The following CD9 variants were observed in gnomAD, a reference collection of about 807,000 sequenced individuals.
CD9 encodes CD9 antigen.
Under a neutral mutation model 31.4 loss-of-function variants are expected in CD9, and 10 were observed. The observed-to-expected ratio is 0.32, with a 90% CI of 0.20 to 0.54. The LOEUF is 0.54. Among genes scored for constraint, CD9 ranks in the 20% least tolerant of loss-of-function variants. The pLI is 0.94. For missense variants in CD9, 259 were observed against 300.1 expected (o/e 0.86, Z 1.01); for synonymous variants, 113 against 114.1 (o/e 0.99, Z 0.06).
intron 1 of CD9, among the ~76,000 whole-genome samples, chr12:6,212,506 G>A (rs887512104): frequency 6.6e-6 from 1 of 152,182 alleles, no homozygotes; most frequent in African/African-American, 2.4e-5. Flanking sequence ...GCAAGGTGGT[G>A]GCACCCCCAG....
At chr12:6,216,528 C>T (rs1380695092) in intron 1 of CD9, among the ~76,000 whole-genome samples, 1 of 152,208 alleles carries the variant, frequency 6.6e-6, no homozygotes, top group Non-Finnish European at 1.5e-5. Context: ...GTAATAACTC[C>T]TTTCAGCAGG....
chr12:6,220,058 C>A (rs758003645), intron 1 of CD9, among the ~76,000 whole-genome samples: 1 of 152,106 alleles, frequency 6.6e-6, no homozygotes, highest in Non-Finnish European at 1.5e-5. Context: ...GGGAGGCAAA[C>A]CCCAGATAGA....
chr12:6,218,161 G>A (rs944786793), intron 1 of CD9, among the ~76,000 whole-genome samples: 18 of 151,956 alleles, frequency 1.2e-4, no homozygotes, highest in African/African-American at 3.6e-4. Flanking sequence ...TAGAGAGGTC[G>A]AGGCTGCAGT....
At chr12:6,236,877 G>A (rs781764770) in intron 7 of CD9, 6 of 201,230 alleles carry the variant, frequency 3.0e-5, no homozygotes, top group Non-Finnish European at 5.9e-5. Context: ...CCCAAAGAGA[G>A]AATCGCCTCC....
chr12:6,221,160 GA>G (rs1424991745), intron 1 of CD9, among the ~76,000 whole-genome samples: 2 of 152,176 alleles, frequency 1.3e-5, no homozygotes, highest in African/African-American at 4.8e-5. Flanking sequence ...AAAACAATGG[GA>G]AAAAATGACC....
chr12:6,226,612 G>A (rs1360728296), intron 2 of CD9, among the ~76,000 whole-genome samples: 2 of 152,100 alleles, frequency 1.3e-5, no homozygotes, highest in African/African-American at 4.8e-5. Context: ...AGCTCCTTTG[G>A]TTGCGTAACA....
Position 6,236,280 on chromosome 12 carries a change from G to A in CD9, c.621+5G>A. ...ATCGGCATTGCCGTGGTCATGGTGA[G>A]TGGCAGGACGTCGTCCCAGGAGGGG... On this transcript the variant is annotated splice_donor_5th_base_variant and intron_variant, in intron 7 of 7. Transcript: ENST00000009180. The A allele has an allele frequency of 6.2e-7, 1 of 1,613,776 alleles. No homozygotes were observed. The highest frequency in any genetic ancestry group is 8.5e-7 in the Non-Finnish European group (1 of 1,179,656).
intron 1 of CD9, among the ~76,000 whole-genome samples, chr12:6,211,658 C>T (rs1369257653): frequency 6.6e-6 from 1 of 152,184 alleles, no homozygotes; most frequent in African/African-American, 2.4e-5. Context: ...GCGAGGCATA[C>T]ACAACGGAAA....
rs374764934 is a variant in CD9, at chr12:6,225,419, C to G, written c.67-7C>G. The G allele has an allele frequency of 6.3e-7, 1 of 1,595,218 alleles. No homozygotes were observed. Among genetic ancestry groups the G allele is most frequent in the South Asian group, 1.1e-5 (1 of 90,738 alleles). ...GAATTAATGCTGATGTCCTGTATGT[C>G]TTGCAGCTTGCCGGGATTGCTGTCC... is the stretch of plus-strand genomic sequence containing the variant. On this transcript the variant is annotated splice_region_variant and splice_polypyrimidine_tract_variant and intron_variant, in intron 1 of 7. Transcript: ENST00000009180.
At chr12:6,200,688 AAG>A (rs1946064982) in intron 1 of CD9, 123 bp downstream of exon 1, 2 of 608,470 alleles carry the variant, frequency 3.3e-6, no homozygotes, top group East Asian at 3.2e-5. Flanking sequence ...ACCGGGCGGG[AAG>A]AGAGAGCGCC....
At chr12:6,236,373 A>C (rs1438942760) in intron 7 of CD9, 98 bp downstream of exon 7, 4 of 1,068,254 alleles carry the variant, frequency 3.7e-6, no homozygotes, top group Non-Finnish European at 5.7e-6. Context: ...TGCATTTGTC[A>C]ACTCACTTTG....
At chr12:6,222,893 G>C (rs913081440) in intron 1 of CD9, among the ~76,000 whole-genome samples, 7 of 152,150 alleles carry the variant, frequency 4.6e-5, no homozygotes, top group African/African-American at 1.7e-4. Context: ...GATTGTTTTC[G>C]TTCTTTTCTG....
chr12:6,216,602 A>G (rs758706834), intron 1 of CD9, among the ~76,000 whole-genome samples: 5 of 152,198 alleles, frequency 3.3e-5, no homozygotes, highest in Non-Finnish European at 5.9e-5. Flanking sequence ...ATCTGAGCCA[A>G]CAGTCTCCCT....
chr12:6,216,964 G>A (rs1288903647), intron 1 of CD9, among the ~76,000 whole-genome samples: 1 of 152,100 alleles, frequency 6.6e-6, no homozygotes, highest in African/African-American at 2.4e-5. Flanking sequence ...TGTTTTACAT[G>A]CATCACTTTA....
intron 4 of CD9, among the ~76,000 whole-genome samples, chr12:6,234,757 TTAAATTCTCACAAA>T (rs1220326870): frequency 1.3e-5 from 2 of 152,240 alleles, no homozygotes; most frequent in East Asian, 3.8e-4. Flanking sequence ...AATATTTCAT[TTAAATTCTCACAAA>T]TAATCTATGA....
chr12:6,217,340 G>A (rs368280421), intron 1 of CD9, among the ~76,000 whole-genome samples: 3 of 151,996 alleles, frequency 2.0e-5, no homozygotes, highest in East Asian at 3.9e-4. Context: ...TGAGCAACAC[G>A]GTGAAACCCT....
chr12:6,217,051 A>G (rs1409780865), intron 1 of CD9, among the ~76,000 whole-genome samples: 1 of 152,210 alleles, frequency 6.6e-6, no homozygotes, highest in Non-Finnish European at 1.5e-5. Flanking sequence ...GAGGACTGTA[A>G]CGTTCAGAGA....
At chr12:6,208,534 A>T (rs1946156858) in intron 1 of CD9, among the ~76,000 whole-genome samples, 1 of 152,210 alleles carries the variant, frequency 6.6e-6, no homozygotes, top group South Asian at 2.1e-4. Flanking sequence ...TTCAAAACCT[A>T]TTCAAGGATT....
intron 2 of CD9, among the ~76,000 whole-genome samples, chr12:6,230,629 T>G (rs1254755696): frequency 1.3e-5 from 2 of 152,232 alleles, no homozygotes; most frequent in African/African-American, 4.8e-5. Flanking sequence ...GGGGAGAAAC[T>G]GGGGCCTTTC....
Sources: allele counts gnomAD v4.1 joint callset (sites outside exome capture counted in the v4.1 genomes callset), GRCh38; gene constraint gnomAD v4.1.1; transcripts MANE v1.5; gene names NCBI Gene and HGNC (gene_info 2026-07-23, HGNC 2026-07-21).